The following C12orf42 variants were observed in gnomAD, a reference collection of about 807,000 sequenced individuals.
C12orf42 encodes the protein chromosome 12 open reading frame 42.
C12orf42 carries 25 observed loss-of-function variants against 21.6 expected under a neutral mutation model. The observed-to-expected ratio is 1.16, with a 90% CI of 0.84 to 1.62. C12orf42 has a LOEUF of 1.62. Among genes scored for constraint, C12orf42 ranks in the 40% most tolerant of loss-of-function variants. C12orf42 has a pLI of 0.00. For missense variants in C12orf42, 483 were observed against 459.3 expected (o/e 1.05, Z -0.47); for synonymous variants, 174 against 175.0 (o/e 0.99, Z 0.05).
chr12:103,149,649 C>T, the C12orf42 span, among the ~76,000 whole-genome samples: 3 of 152,090 alleles, frequency 2.0e-5, no homozygotes, highest in African/African-American at 7.2e-5. Context: ...AAGCATCTGG[C>T]ATTTCCCCTT....
chr12:103,232,484 G>A, the C12orf42 span, among the ~76,000 whole-genome samples: 70 of 152,044 alleles, frequency 4.6e-4, no homozygotes, highest in African/African-American at 1.4e-3. Flanking sequence ...CGAGGCGGGC[G>A]GATCATGAGG....
At position 103,306,147 on chromosome 12, in the gene C12orf42, C is replaced by T. The variant is rs762994360; in HGVS notation, c.458G>A (p.Arg153Lys). 2.5e-6 allele frequency: 4 copies of T among 1,613,826 alleles called. No individual in the cohort carries two copies. Among genetic ancestry groups the T allele is most frequent in the Non-Finnish European group, 3.4e-6 (4 of 1,179,876 alleles). ...AGCCTGCTTGGGTGCTCCTCTGGCT[C>T]TCTCCTCAGTTTCTCCTCTGGCAGT... ...IFTARGETEE[R>K]ARGAPKQAWN... The change falls in exon 5 of 6, where the codon AGA (arginine) becomes AAA (lysine). Residue 153 changes from arginine to lysine, a missense_variant. Coordinates refer to ENST00000548883, the MANE Select transcript of C12orf42 (RefSeq NM_198521.5).
intron 2 of C12orf42, among the ~76,000 whole-genome samples, chr12:103,465,831 C>T (rs777926601): frequency 1.3e-5 from 2 of 152,116 alleles, no homozygotes; most frequent in Non-Finnish European, 2.9e-5. Flanking sequence ...TATTGAAGGA[C>T]TTTTCTGCCT....
chr12:103,488,825 C>T (rs1565904602), intron 1 of C12orf42, among the ~76,000 whole-genome samples: 1 of 152,156 alleles, frequency 6.6e-6, no homozygotes, highest in East Asian at 1.9e-4. Context: ...CTTCTCTACA[C>T]TGTTTATTCT....
chr12:103,432,097 G>C (rs1950307689), intron 2 of C12orf42, among the ~76,000 whole-genome samples: 1 of 152,162 alleles, frequency 6.6e-6, no homozygotes, highest in African/African-American at 2.4e-5. Flanking sequence ...GGTGTGGGCT[G>C]TCCACATGTG....
intron 2 of C12orf42, among the ~76,000 whole-genome samples, chr12:103,465,632 C>G (rs1953061384): frequency 6.6e-6 from 1 of 152,128 alleles, no homozygotes; most frequent in South Asian, 2.1e-4. Flanking sequence ...ACTTCCAATA[C>G]TATGTTGAAC....
At chr12:103,059,215 A>G in the C12orf42 span, among the ~76,000 whole-genome samples, 2 of 152,202 alleles carry the variant, frequency 1.3e-5, no homozygotes, top group East Asian at 3.8e-4. Context: ...CAAATAAACT[A>G]GAAAAATTTA....
intron 4 of C12orf42, among the ~76,000 whole-genome samples, chr12:103,292,327 T>C (rs1408736047): frequency 6.6e-6 from 1 of 152,100 alleles, no homozygotes; most frequent in Non-Finnish European, 1.5e-5. Flanking sequence ...CACATACCTG[T>C]GAATATATGA....
At chr12:103,463,377 G>C (rs554170602) in intron 2 of C12orf42, among the ~76,000 whole-genome samples, 1 of 152,274 alleles carries the variant, frequency 6.6e-6, no homozygotes, top group African/African-American at 2.4e-5. Flanking sequence ...GAATCAAATG[G>C]GGTAGAATAG....
At chr12:103,448,047 CTA>C (rs1252239933) in intron 2 of C12orf42, among the ~76,000 whole-genome samples, 2 of 151,994 alleles carry the variant, frequency 1.3e-5, no homozygotes, top group African/African-American at 4.8e-5. Context: ...TCAAACTATA[CTA>C]TAATGCCACA....
At chr12:103,498,179 A>G (rs1955620284), upstream of C12orf42, among the ~76,000 whole-genome samples, 1 of 152,276 alleles carries the variant, frequency 6.6e-6, no homozygotes, top group Non-Finnish European at 1.5e-5. Flanking sequence ...AGAGCAATGC[A>G]ATCAACTAGA....
intron 2 of C12orf42, among the ~76,000 whole-genome samples, chr12:103,406,795 T>G (rs2048458788): frequency 6.6e-6 from 1 of 152,104 alleles, no homozygotes; most frequent in Admixed American, 6.5e-5. Context: ...CAGTAAACAC[T>G]TCTTGGAAGA....
At chr12:103,141,665 G>A in the C12orf42 span, among the ~76,000 whole-genome samples, 1 of 151,906 alleles carries the variant, frequency 6.6e-6, no homozygotes, top group Non-Finnish European at 1.5e-5. Flanking sequence ...AAGTAGCTGG[G>A]ATTACAGGCG....
At chr12:103,327,733 T>C (rs2040841719) in intron 4 of C12orf42, among the ~76,000 whole-genome samples, 1 of 152,132 alleles carries the variant, frequency 6.6e-6, no homozygotes, top group Non-Finnish European at 1.5e-5. Flanking sequence ...TCTCTAGGAG[T>C]ATGCAAGCCA....
At chr12:103,295,361 T>C (rs144521451) in intron 4 of C12orf42, among the ~76,000 whole-genome samples, 110 of 152,192 alleles carry the variant, frequency 7.2e-4, no homozygotes, top group African/African-American at 2.6e-3. Flanking sequence ...TGAACTTTTC[T>C]AAATTGGAGG....
At chr12:103,356,077 A>C in intron 4 of C12orf42, among the ~76,000 whole-genome samples, 1 of 152,066 alleles carries the variant, frequency 6.6e-6, no homozygotes, top group East Asian at 1.9e-4. Flanking sequence ...ATTCAAACTT[A>C]AAAGTCTAAC....
At chr12:103,406,026 C>T (rs1407221403) in intron 2 of C12orf42, among the ~76,000 whole-genome samples, 1 of 152,156 alleles carries the variant, frequency 6.6e-6, no homozygotes. Flanking sequence ...GCCAAGATCT[C>T]ATCAATATAC....
chr12:103,066,726 A>G, the C12orf42 span, among the ~76,000 whole-genome samples: 1 of 152,238 alleles, frequency 6.6e-6, no homozygotes, highest in Non-Finnish European at 1.5e-5. Flanking sequence ...TGAAAGAAGC[A>G]TGATTGGAAA....
At chr12:103,485,185 C>T (rs2138114535) in intron 1 of C12orf42, among the ~76,000 whole-genome samples, 1 of 152,234 alleles carries the variant, frequency 6.6e-6, no homozygotes, top group East Asian at 1.9e-4. Flanking sequence ...CAGTTTTCTA[C>T]ATATGGCTAG....
Sources: gnomAD v4.1 joint callset for allele counts (sites outside exome capture counted in the v4.1 genomes callset) on GRCh38, gnomAD v4.1.1 for gene constraint, MANE v1.5 for transcripts, NCBI Gene and HGNC (gene_info 2026-07-23, HGNC 2026-07-21) for gene names.